The following ROBO1 variants were observed in gnomAD, a reference collection of about 807,000 sequenced individuals.
The protein encoded by ROBO1 is roundabout guidance receptor 1.
ROBO1 carries 149 observed loss-of-function variants against 195.9 expected under a neutral mutation model. The observed-to-expected ratio is 0.76, with a 90% CI of 0.67 to 0.87. The LOEUF is 0.87. Among genes scored for constraint, ROBO1 ranks in the 40% least tolerant of loss-of-function variants. ROBO1 has a pLI of 0.00. For synonymous variants in ROBO1, 816 were observed against 733.2 expected (o/e 1.11, Z -1.82); for missense variants, 1,933 against 2,068.3 (o/e 0.93, Z 1.27).
chr3:79,049,863 C>T (rs907732157), intron 3 of ROBO1, among the ~76,000 whole-genome samples: 5 of 152,054 alleles, frequency 3.3e-5, no homozygotes, highest in Non-Finnish European at 5.9e-5. Flanking sequence ...TTTGTCACTA[C>T]CAGACCTGCC....
intron 2 of ROBO1, among the ~76,000 whole-genome samples, chr3:79,585,067 T>G (rs1943787014): frequency 6.7e-6 from 1 of 148,904 alleles, no homozygotes; most frequent in Admixed American, 6.6e-5. Flanking sequence ...TGACTATTGT[T>G]TTTAGCATCA....
intron 1 of ROBO1, among the ~76,000 whole-genome samples, chr3:79,717,074 AAAGC>A (rs918125574): frequency 6.6e-6 from 1 of 152,012 alleles, no homozygotes; most frequent in Non-Finnish European, 1.5e-5. Context: ...AGCAGAAAAG[AAAGC>A]AAGTTATGGA....
chr3:79,064,831 C>T (rs1276044556), intron 3 of ROBO1, among the ~76,000 whole-genome samples: 2 of 151,922 alleles, frequency 1.3e-5, no homozygotes, highest in African/African-American at 2.4e-5. Context: ...ACTCACTCCA[C>T]CACAGAAACA....
chr3:79,741,586 C>T (rs1223391502), intron 1 of ROBO1, among the ~76,000 whole-genome samples: 1 of 152,082 alleles, frequency 6.6e-6, no homozygotes, highest in Non-Finnish European at 1.5e-5. Context: ...TCCTTTATAA[C>T]CAAAGATGCT....
intron 2 of ROBO1, among the ~76,000 whole-genome samples, chr3:79,259,915 C>T (rs931511809): frequency 3.3e-5 from 5 of 152,062 alleles, no homozygotes; most frequent in Admixed American, 6.6e-5. Context: ...ATTTGTAATT[C>T]TTGCTTCATC....
rs1007535925 is a variant in ROBO1 at position 79,106,314 on chromosome 3, T to C, written c.172+19142A>G. ...TACATGTTTTATTAGAATATACTAG[T>C]GCGGCTCATTTTTTTATTATTGTGA... On this transcript the variant is annotated intron_variant, in intron 3 of 30. Transcript: ENST00000464233. 3.3e-5 allele frequency among the ~76,000 whole-genome samples: 5 copies of C among 151,684 alleles called. No individual in the cohort carries two copies. In the East Asian group the frequency reaches 9.6e-4, roughly 29 times the overall value.
chr3:79,242,270 T>C (rs1162144240), intron 2 of ROBO1, among the ~76,000 whole-genome samples: 1 of 149,038 alleles, frequency 6.7e-6, no homozygotes, highest in Non-Finnish European at 1.5e-5. Flanking sequence ...GATTGTGATA[T>C]GAAAAAAAAA....
At chr3:78,775,511 A>G (rs1216306736) in intron 4 of ROBO1, among the ~76,000 whole-genome samples, 1 of 152,246 alleles carries the variant, frequency 6.6e-6, no homozygotes, top group Admixed American at 6.5e-5. Context: ...TGACTTTGCA[A>G]TAACAATTCA....
At chr3:79,731,471 C>T (rs540065078) in intron 1 of ROBO1, among the ~76,000 whole-genome samples, 3 of 152,076 alleles carry the variant, frequency 2.0e-5, no homozygotes, top group South Asian at 4.2e-4. Context: ...TTGGTGCTGA[C>T]CCCTGGTTAG....
intron 2 of ROBO1, among the ~76,000 whole-genome samples, chr3:79,203,829 C>T (rs753759030): frequency 6.6e-6 from 1 of 152,108 alleles, no homozygotes; most frequent in Non-Finnish European, 1.5e-5. Context: ...GTAACATCAT[C>T]GGTGGTGTGA....
At chr3:79,470,912 T>G (rs1938237716) in intron 2 of ROBO1, among the ~76,000 whole-genome samples, 1 of 152,282 alleles carries the variant, frequency 6.6e-6, no homozygotes, top group South Asian at 2.1e-4. Context: ...AGTAAATATT[T>G]TTAAAAATTC....
At chr3:79,206,292 G>T (rs997706502) in intron 2 of ROBO1, among the ~76,000 whole-genome samples, 1 of 152,064 alleles carries the variant, frequency 6.6e-6, no homozygotes, top group Non-Finnish European at 1.5e-5. Flanking sequence ...TAAAAATAAG[G>T]CTCTATTTGG....
intron 3 of ROBO1, among the ~76,000 whole-genome samples, chr3:79,118,421 A>G (rs1200212657): frequency 2.6e-5 from 4 of 152,120 alleles, no homozygotes; most frequent in African/African-American, 9.7e-5. Context: ...TTTCCCTAAA[A>G]TTTCTTAATA....
intron 4 of ROBO1, among the ~76,000 whole-genome samples, chr3:78,753,576 T>G (rs954589286): frequency 6.6e-6 from 1 of 152,244 alleles, no homozygotes; most frequent in Non-Finnish European, 1.5e-5. Flanking sequence ...GTAGGTTTCT[T>G]ACATAGGTAT....
chr3:79,007,941 C>T (rs1336037351), intron 3 of ROBO1, among the ~76,000 whole-genome samples: 1 of 152,140 alleles, frequency 6.6e-6, no homozygotes, highest in Admixed American at 6.5e-5. Context: ...TACAATACAA[C>T]GTCATAAGTG....
chr3:79,032,856 G>A (rs1398899283), intron 3 of ROBO1, among the ~76,000 whole-genome samples: 1 of 152,002 alleles, frequency 6.6e-6, no homozygotes, highest in East Asian at 1.9e-4. Flanking sequence ...CCTCCCCTAT[G>A]AAATGTTTCA....
intron 3 of ROBO1, among the ~76,000 whole-genome samples, chr3:78,949,815 G>GA (rs1293265556): frequency 2.0e-5 from 3 of 151,840 alleles, no homozygotes; most frequent in Non-Finnish European, 4.4e-5. Context: ...AAATTTACAA[G>GA]AAAAAAACAA....
At chr3:78,870,514 A>C (rs971226593) in intron 4 of ROBO1, among the ~76,000 whole-genome samples, 1 of 152,200 alleles carries the variant, frequency 6.6e-6, no homozygotes, top group Non-Finnish European at 1.5e-5. Context: ...GCATTGCCTT[A>C]CAGGGAAGAA....
chr3:79,658,459 C>T (rs1312989949), intron 1 of ROBO1, among the ~76,000 whole-genome samples: 1 of 152,080 alleles, frequency 6.6e-6, no homozygotes, highest in Non-Finnish European at 1.5e-5. Context: ...TGTACTTCCA[C>T]ATTTTTGCTT....
Sources: gnomAD v4.1 joint callset for allele counts (sites outside exome capture counted in the v4.1 genomes callset) on GRCh38, gnomAD v4.1.1 for gene constraint, MANE v1.5 for transcripts, NCBI Gene and HGNC (gene_info 2026-07-23, HGNC 2026-07-21) for gene names.